Variants in TCF4 observed in about 807,000 individuals in gnomAD.
TCF4 encodes SL3-3 enhancer factor 2.
TCF4 carries 3 observed loss-of-function variants against 82.1 expected under a neutral mutation model. The ratio of observed to expected loss-of-function variants is 0.04; its 90% CI spans 0.02 to 0.09. TCF4 has a LOEUF of 0.09. Among genes scored for constraint, TCF4 ranks in the 10% least tolerant of loss-of-function variants. The pLI is 1.00. For missense variants in TCF4, 518 were observed against 852.7 expected (o/e 0.61, Z 4.89); for synonymous variants, 276 against 309.6 (o/e 0.89, Z 1.14).
At chr18:55,424,649 C>T (rs2094908646) in intron 5 of TCF4, among the ~76,000 whole-genome samples, 1 of 152,020 alleles carries the variant, frequency 6.6e-6, no homozygotes, top group Admixed American at 6.5e-5. Flanking sequence ...CCACCTACCC[C>T]ATTTGAAAAA....
intron 6 of TCF4, among the ~76,000 whole-genome samples, chr18:55,352,666 A>G (rs1161863625): frequency 6.6e-6 from 1 of 152,174 alleles, no homozygotes; most frequent in Non-Finnish European, 1.5e-5. Flanking sequence ...CTTATGAGAC[A>G]TATTAAAACA....
chr18:55,627,897 A>G (rs1324152904), intron 2 of TCF4, among the ~76,000 whole-genome samples: 3 of 151,706 alleles, frequency 2.0e-5, no homozygotes, highest in Non-Finnish European at 4.4e-5. Flanking sequence ...TGTCTCTACT[A>G]AAAATACAAA....
rs372166964 is a variant in TCF4, at chr18:55,376,316, G to A, written c.370-25313C>T. 5.3e-5 allele frequency among the ~76,000 whole-genome samples: 8 copies of A among 152,094 alleles called. No individual in the cohort carries two copies. In the East Asian group the frequency reaches 7.7e-4, roughly 15 times the overall value. ...GCTGGGATTACAGGTGTAAGCCACCGTGCCCGGACAATAATATTTCTTAGA... is the reference window on the plus strand; with the variant it reads ...GCTGGGATTACAGGTGTAAGCCACCATGCCCGGACAATAATATTTCTTAGA... On this transcript the variant is annotated intron_variant, in intron 6 of 19. Transcript: ENST00000354452.
At chr18:55,338,039 G>C (rs943618603) in intron 8 of TCF4, among the ~76,000 whole-genome samples, 1 of 151,736 alleles carries the variant, frequency 6.6e-6, no homozygotes, top group Non-Finnish European at 1.5e-5. Context: ...CATCAGTCTC[G>C]CTGCTGCCAA....
intron 3 of TCF4, among the ~76,000 whole-genome samples, chr18:55,555,355 A>C (rs1383123359): frequency 6.6e-6 from 1 of 152,206 alleles, no homozygotes. Context: ...TCTCCAACAG[A>C]CTGAGAAGTT....
chr18:55,589,875 C>G (rs537373745), upstream of TCF4: 6 of 992,438 alleles, frequency 6.0e-6, no homozygotes, highest in Admixed American at 3.6e-4. Flanking sequence ...CGGGAGCAGG[C>G]GACCATAGAG....
chr18:55,389,917 TG>T (rs1450051525), intron 6 of TCF4, among the ~76,000 whole-genome samples: 2 of 151,870 alleles, frequency 1.3e-5, no homozygotes, highest in African/African-American at 4.8e-5. Flanking sequence ...TGAGGACTTT[TG>T]GAGATGAGGG....
intron 3 of TCF4, among the ~76,000 whole-genome samples, chr18:55,515,658 A>G (rs915673076): frequency 6.6e-6 from 1 of 152,174 alleles, no homozygotes; most frequent in Admixed American, 6.5e-5. Flanking sequence ...CCAATCACAC[A>G]TGCTACTGAT....
At chr18:55,471,716 A>C (rs1355837861) in intron 3 of TCF4, among the ~76,000 whole-genome samples, 3 of 151,856 alleles carry the variant, frequency 2.0e-5, no homozygotes, top group Non-Finnish European at 4.4e-5. Context: ...CAGTGATCCA[A>C]GATTGTGCCA....
rs1413737798 is a variant in TCF4, at chr18:55,621,523, ATTATATAATATATATAT to A, written c.286+9758_286+9774del. 5.8e-4 allele frequency among the ~76,000 whole-genome samples: 15 copies of A among 25,978 alleles called. No homozygotes were observed. The East Asian group carries it at 8.4e-3, about 15-fold the overall frequency. 17.0% of individuals were successfully genotyped at this position (25,978 alleles called of 152,430 possible). On this transcript the variant is annotated intron_variant, in intron 2 of 20. Coordinates refer to the TCF4 transcript ENST00000398339. ...GTACATTATATATATATTATATAAT[ATTATATAATATATATAT>A]TATATTATATATTATGTACATTATA... is the stretch of plus-strand genomic sequence containing the variant.
At chr18:55,368,156 C>T (rs1224020595) in intron 6 of TCF4, among the ~76,000 whole-genome samples, 13 of 152,148 alleles carry the variant, frequency 8.5e-5, no homozygotes, top group Non-Finnish European at 1.5e-4. Context: ...GAGGCCAAGG[C>T]GGGTGGGTCA....
chr18:55,592,018 T>C (rs1372003377), upstream of TCF4, among the ~76,000 whole-genome samples: 2 of 152,168 alleles, frequency 1.3e-5, no homozygotes, highest in East Asian at 3.8e-4. Flanking sequence ...TTGTTTTTGT[T>C]TTTCCTTAAT....
At chr18:55,313,884 T>G (rs1037318880) in intron 8 of TCF4, among the ~76,000 whole-genome samples, 1 of 152,102 alleles carries the variant, frequency 6.6e-6, no homozygotes, top group African/African-American at 2.4e-5. Flanking sequence ...AAATAAAAAT[T>G]TAAAGTATTT....
chr18:55,635,413 G>A (rs1411346249), intron 1 of TCF4, among the ~76,000 whole-genome samples: 1 of 151,850 alleles, frequency 6.6e-6, no homozygotes, highest in African/African-American at 2.4e-5. Flanking sequence ...GGAGGCTGAG[G>A]CATGAGAATT....
chr18:55,521,975 C>A (rs1380522161), intron 3 of TCF4, among the ~76,000 whole-genome samples: 1 of 152,116 alleles, frequency 6.6e-6, no homozygotes, highest in Non-Finnish European at 1.5e-5. Flanking sequence ...ACCATCCCCA[C>A]GGCTGGGGAA....
chr18:55,347,207 G>A (rs747604887), intron 8 of TCF4, among the ~76,000 whole-genome samples: 1 of 151,870 alleles, frequency 6.6e-6, no homozygotes, highest in Non-Finnish European at 1.5e-5. Context: ...AAAAAACGAG[G>A]GCTACGAGAA....
chr18:55,574,587 C>T (rs1006600409), intron 3 of TCF4, among the ~76,000 whole-genome samples: 1 of 152,210 alleles, frequency 6.6e-6, no homozygotes, highest in Admixed American at 6.5e-5. Context: ...GATCCGCCTG[C>T]CTTGGCCTCC....
At chr18:55,562,781 C>T (rs557296674) in intron 3 of TCF4, among the ~76,000 whole-genome samples, 1 of 152,192 alleles carries the variant, frequency 6.6e-6, no homozygotes, top group South Asian at 2.1e-4. Flanking sequence ...ACAACTTAGC[C>T]TTCTACCATA....
Position 55,475,386 on chromosome 18 carries a change from C to T in TCF4, c.146-11249G>A, listed in dbSNP as rs2096269485. The stretch of plus-strand genomic sequence containing the variant: ...TGGTGTCCTTCCCAGGACATCACTT[C>T]CAGAGCCCCTTGATGGCATGTTGGT... On this transcript the variant is annotated intron_variant, in intron 3 of 19. Coordinates refer to ENST00000354452, the MANE Select transcript of TCF4 (RefSeq NM_001083962.2). Among the ~76,000 whole-genome samples, 3 of 152,140 alleles carry T rather than the reference C, an allele frequency of 2.0e-5. No individual in the cohort carries two copies. In the South Asian group the frequency reaches 6.2e-4, roughly 32 times the overall value.
Sources: gnomAD v4.1 joint callset for allele counts (sites outside exome capture counted in the v4.1 genomes callset) on GRCh38, gnomAD v4.1.1 for gene constraint, MANE v1.5 for transcripts, NCBI Gene and HGNC (gene_info 2026-07-23, HGNC 2026-07-21) for gene names.